DENND5A: variants seen among roughly 807,000 people sequenced by gnomAD.
DENND5A encodes DENN domain containing 5A.
In DENND5A, 64 loss-of-function variants were observed where a neutral mutation model predicts 140.3. The observed-to-expected ratio is 0.46, with a 90% CI of 0.37 to 0.56. The LOEUF (loss-of-function observed/expected upper bound fraction) is 0.56, where lower values mean the gene tolerates loss of function less well. Ranked by LOEUF, DENND5A falls within the 20% of genes least tolerant of loss-of-function variation. The probability of loss-of-function intolerance (pLI) is 0.00; values close to 1 mark genes in which losing one functional copy is unlikely to be tolerated. For missense variants in DENND5A, 1,292 were observed against 1,593.8 expected, an observed-to-expected ratio of 0.81 and a Z score of 3.22; for synonymous variants, 605 against 607.7, an observed-to-expected ratio of 1.00 and a Z score of 0.07.
chr11:9,145,723 C>T lies in DENND5A; in HGVS notation c.2950G>A (p.Gly984Ser), dbSNP rs779408531. The change falls in exon 17 of 23, where the codon GGT becomes AGT. Residue 984 changes from glycine (G) to serine (S), a missense_variant. Around this residue, in one of 4 missense-constraint regions of DENND5A, gnomAD observed 498 missense variants for 689.7 expected, o/e 0.72. Coordinates refer to ENST00000328194, the MANE Select transcript of DENND5A (RefSeq NM_015213.4). ...GGAATCTGCATGATCTGTGTCTCAC[C>T]CAATTCTCCTGATATACAGATCCAT... ...NPWICISGEL[G>S]ETQIMQIPRN... The T allele has an allele frequency of 1.9e-6, 3 of 1,614,066 alleles. No homozygotes were observed. In the Admixed American group the frequency reaches 5.0e-5, roughly 27 times the overall value.
At chr11:9,143,206 A>C (rs1847306132) in intron 20 of DENND5A, 197 bp downstream of exon 20, 1 of 637,050 alleles carries the variant, frequency 1.6e-6, no homozygotes, top group Admixed American at 2.7e-5. Flanking sequence ...TATGGAGGGA[A>C]AACAGGGTAA....
intron 5 of DENND5A, among the ~76,000 whole-genome samples, chr11:9,192,807 A>G (rs184398155): frequency 1.2e-3 from 179 of 152,364 alleles, no homozygotes; most frequent in Middle Eastern, 0.01. Context: ...TAGTTTCACA[A>G]CAGCCACAAA....
At chr11:9,233,398 CAAA>C (rs1001576602) in intron 1 of DENND5A, among the ~76,000 whole-genome samples, 8 of 54,072 alleles carry the variant, frequency 1.5e-4, no homozygotes, top group Non-Finnish European at 8.1e-5. Flanking sequence ...GACTCTGTCT[CAAA>C]AAAAAAAAAA....
At position 9,139,630 on chromosome 11, in the gene DENND5A, G is replaced by T. The variant is rs772390319; in HGVS notation, c.*41C>A. 3 of 1,589,104 alleles carry T rather than the reference G, an allele frequency of 1.9e-6. No homozygotes were observed. The South Asian group carries it at 3.4e-5, about 18-fold the overall frequency. ...TGGGAAAAAAGGTCAGAGCTGCAGGGTGAGTCTTTCTCAGTCCTGCTGCTG... is the reference window on the plus strand; with the variant it reads ...TGGGAAAAAAGGTCAGAGCTGCAGGTTGAGTCTTTCTCAGTCCTGCTGCTG... On this transcript the variant is annotated 3_prime_UTR_variant, in exon 23 of 23. Transcript: ENST00000328194.
In DENND5A at chr11:9,203,881, T is replaced by C; in HGVS notation, c.728A>G (p.Tyr243Cys). ...CACCTCGTAGAGTACGTTGTATATG[T>C]AGCTCTCAAGGGGCAGTGGAGGGGG... ...PQPPPLPLES[Y>C]IYNVLYEVPL... is the part of the protein sequence containing the mutation. Residue 243 changes from tyrosine (Y) to cysteine (C), a missense_variant, in exon 4 of 23, where the codon TAC becomes TGC. This residue lies in a region of DENND5A where 566 missense variants were observed against 650.4 expected (regional missense o/e 0.87). Transcript: ENST00000328194. 2 of 1,614,126 alleles carry C rather than the reference T, an allele frequency of 1.2e-6. No individual in the cohort carries two copies. Among genetic ancestry groups the C allele is most frequent in the African/African-American group, 2.7e-5 (2 of 75,046 alleles).
intron 9 of DENND5A, chr11:9,170,166 G>A (rs886934870): frequency 3.1e-6 from 2 of 640,414 alleles, no homozygotes; most frequent in South Asian, 1.4e-4. Context: ...TGTCTCTCTT[G>A]AAACATCTAC....
intron 8 of DENND5A, among the ~76,000 whole-genome samples, chr11:9,173,515 T>C (rs1303722415): frequency 6.6e-6 from 1 of 152,202 alleles, no homozygotes; most frequent in Non-Finnish European, 1.5e-5. Context: ...TAGAGTTTTG[T>C]GAAGTTCTTT....
chr11:9,165,229 T>C (rs2136148341), intron 11 of DENND5A, among the ~76,000 whole-genome samples: 1 of 152,264 alleles, frequency 6.6e-6, no homozygotes, highest in Middle Eastern at 3.4e-3. Context: ...CTTGAACTCC[T>C]GACCTCGTGA....
chr11:9,143,602 C>T (rs1410863128), intron 19 of DENND5A, 117 bp from the exon 20 acceptor site: 2 of 838,806 alleles, frequency 2.4e-6, no homozygotes, highest in African/African-American at 3.4e-5. Flanking sequence ...GCAGCTGGAC[C>T]CTAGGAAGCA....
intron 5 of DENND5A, among the ~76,000 whole-genome samples, chr11:9,186,147 C>G (rs563122537): frequency 6.6e-6 from 1 of 151,994 alleles, no homozygotes; most frequent in African/African-American, 2.4e-5. Flanking sequence ...GAGAGCTTTC[C>G]CATGTCAAAA....
At chr11:9,194,939 G>C (rs921341654) in intron 4 of DENND5A, among the ~76,000 whole-genome samples, 1 of 149,914 alleles carries the variant, frequency 6.7e-6, no homozygotes. Flanking sequence ...GGCTGGTCTC[G>C]AACTCCTAAC....
chr11:9,244,907 G>A (rs1851400052), intron 1 of DENND5A, among the ~76,000 whole-genome samples: 1 of 151,662 alleles, frequency 6.6e-6, no homozygotes, highest in Admixed American at 6.6e-5. Context: ...GAACTCCTGG[G>A]CTCAAGCGAT....
intron 17 of DENND5A, 70 bp from the exon 18 acceptor site, chr11:9,145,183 C>T: frequency 8.6e-7 from 1 of 1,161,982 alleles, no homozygotes; most frequent in Non-Finnish European, 1.3e-6. Context: ...CTCGGAGGCA[C>T]AGATCTGACT....
intron 4 of DENND5A, among the ~76,000 whole-genome samples, chr11:9,200,390 G>A (rs1445734543): frequency 2.0e-5 from 3 of 152,204 alleles, no homozygotes; most frequent in African/African-American, 4.8e-5. Context: ...CCCAGAGAGA[G>A]GAGGCTCTAA....
intron 1 of DENND5A, among the ~76,000 whole-genome samples, chr11:9,229,587 T>C (rs1049945344): frequency 6.6e-6 from 1 of 151,992 alleles, no homozygotes; most frequent in African/African-American, 2.4e-5. Flanking sequence ...TACTCAAACA[T>C]ATACCTCTCC....
chr11:9,157,653 G>T (rs966825192), intron 12 of DENND5A, among the ~76,000 whole-genome samples: 2 of 152,170 alleles, frequency 1.3e-5, no homozygotes, highest in African/African-American at 4.8e-5. Flanking sequence ...TTGCTACAAA[G>T]GCCATGATCT....
At chr11:9,239,589 C>A (rs773118173) in intron 1 of DENND5A, among the ~76,000 whole-genome samples, 38 of 152,256 alleles carry the variant, frequency 2.5e-4, no homozygotes, top group South Asian at 4.1e-4. Flanking sequence ...GCCTCCGCCT[C>A]CCAAGTAGCT....
intron 5 of DENND5A, among the ~76,000 whole-genome samples, chr11:9,189,788 G>A (rs1042914530): frequency 6.6e-6 from 1 of 152,182 alleles, no homozygotes; most frequent in African/African-American, 2.4e-5. Flanking sequence ...TAACAGGCTT[G>A]TGCCACCATG....
chr11:9,181,406 C>A (rs989690121), intron 5 of DENND5A, among the ~76,000 whole-genome samples: 5 of 152,078 alleles, frequency 3.3e-5, no homozygotes, highest in Admixed American at 1.3e-4. Flanking sequence ...TAGCATCAAA[C>A]ACAAAAGTCT....
Sources: allele counts gnomAD v4.1 joint callset (sites outside exome capture counted in the v4.1 genomes callset), GRCh38; gene constraint gnomAD v4.1.1; regional missense constraint gnomAD v4.1.1; transcripts MANE v1.5; gene names NCBI Gene and HGNC (gene_info 2026-07-23, HGNC 2026-07-21).